The following UBE2R2 variants were observed in gnomAD, a reference collection of about 807,000 sequenced individuals.
UBE2R2 encodes ubiquitin conjugating enzyme E2 R2, also known as ubiquitin-conjugating enzyme E2 R2.
In UBE2R2, 1 loss-of-function variant was observed where a neutral mutation model predicts 27.8. The ratio of observed to expected loss-of-function variants is 0.04; its 90% CI spans 0.01 to 0.17. The LOEUF (loss-of-function observed/expected upper bound fraction) is 0.17, where lower values mean the gene tolerates loss of function less well. Ranked by LOEUF, UBE2R2 falls within the 10% of genes least tolerant of loss-of-function variation. UBE2R2 has a pLI of 1.00. For missense variants in UBE2R2, 100 were observed against 291.0 expected, an observed-to-expected ratio of 0.34 and a Z score of 4.78; for synonymous variants, 106 against 113.3, an observed-to-expected ratio of 0.94 and a Z score of 0.41.
At chr9:33,854,382 C>A (rs934682195) in intron 1 of UBE2R2, among the ~76,000 whole-genome samples, 1 of 151,398 alleles carries the variant, frequency 6.6e-6, no homozygotes, top group African/African-American at 2.4e-5. Flanking sequence ...TGCAATGGTA[C>A]AATCTCAGCT....
intron 1 of UBE2R2, among the ~76,000 whole-genome samples, chr9:33,851,562 G>A (rs900560158): frequency 2.0e-5 from 3 of 152,004 alleles, no homozygotes; most frequent in Non-Finnish European, 2.9e-5. Flanking sequence ...CTTCAATTTG[G>A]GTAAATTTTC....
chr9:33,882,694 C>T (rs62555928), intron 1 of UBE2R2, among the ~76,000 whole-genome samples: 27,659 of 152,160 alleles, frequency 0.18, 3,212 homozygotes, highest in East Asian at 0.55. Context: ...TCATACAGTT[C>T]ACCCATTCAT....
intron 4 of UBE2R2, among the ~76,000 whole-genome samples, chr9:33,916,198 C>A (rs947758518): frequency 6.8e-4 from 103 of 152,118 alleles, no homozygotes; most frequent in African/African-American, 2.3e-3. Context: ...AAATTTAGCC[C>A]GGTGGGGTGG....
At position 33,917,717 on chromosome 9, in the gene UBE2R2, A is replaced by AG. The variant is rs59827470; in HGVS notation, c.*480_*481insG. On this transcript the variant is annotated 3_prime_UTR_variant, in exon 5 of 5. Coordinates refer to ENST00000263228, the MANE Select transcript of UBE2R2 (RefSeq NM_017811.4). ...AAACAAACTTTAAAAAAAAAAAAAAACAAATTTGCCAAGGTTTAGCTGCTC... is the reference window on the plus strand; with the variant it reads ...AAACAAACTTTAAAAAAAAAAAAAAAGCAAATTTGCCAAGGTTTAGCTGCTC... The AG allele has an allele frequency of 0.072, 13,146 of 181,454 alleles. 674 individuals are homozygous for AG. The highest frequency in any genetic ancestry group is 0.1 in the Non-Finnish European group (8,815 of 86,852). 11.2% of individuals were successfully genotyped at this position (181,454 alleles called of 1,614,324 possible).
At chr9:33,864,759 T>C (rs1242691444) in intron 1 of UBE2R2, among the ~76,000 whole-genome samples, 1 of 151,198 alleles carries the variant, frequency 6.6e-6, no homozygotes, top group African/African-American at 2.4e-5. Context: ...AGTTTCACTC[T>C]TGTTGCCCAG....
chr9:33,872,135 C>T (rs374528927), intron 1 of UBE2R2, among the ~76,000 whole-genome samples: 1 of 151,318 alleles, frequency 6.6e-6, no homozygotes, highest in South Asian at 2.1e-4. Context: ...GCTGGGATTA[C>T]AAGCATGAGG....
chr9:33,904,910 G>A (rs146859397), intron 3 of UBE2R2, among the ~76,000 whole-genome samples: 1 of 152,296 alleles, frequency 6.6e-6, no homozygotes, highest in Non-Finnish European at 1.5e-5. Context: ...ACACGTCTTT[G>A]ATTAGAAGTT....
intron 1 of UBE2R2, among the ~76,000 whole-genome samples, chr9:33,865,572 A>C (rs948455708): frequency 1.3e-5 from 2 of 152,228 alleles, no homozygotes; most frequent in Non-Finnish European, 2.9e-5. Flanking sequence ...CTACTGTGGA[A>C]GATGAGGATT....
At chr9:33,877,823 G>GTCTGTCTGTCTGTCTGTCTGTC in intron 1 of UBE2R2, among the ~76,000 whole-genome samples, 1 of 131,124 alleles carries the variant, frequency 7.6e-6, no homozygotes, top group African/African-American at 3.3e-5. Context: ...CTGTCTGTCT[G>GTCTGTCTGTCTGTCTGTCTGTC]TCTCTCTCTC....
intron 3 of UBE2R2, among the ~76,000 whole-genome samples, chr9:33,906,085 G>A (rs1185649316): frequency 6.6e-6 from 1 of 150,912 alleles, no homozygotes; most frequent in Non-Finnish European, 1.5e-5. Flanking sequence ...AGGTTTTGTT[G>A]TTGTTGTTGT....
chr9:33,849,827 G>A (rs1025772640), intron 1 of UBE2R2, among the ~76,000 whole-genome samples: 2 of 151,758 alleles, frequency 1.3e-5, no homozygotes, highest in East Asian at 1.9e-4. Context: ...TTACTACTGC[G>A]CTCCAGCCTG....
intron 1 of UBE2R2, among the ~76,000 whole-genome samples, chr9:33,871,191 A>G (rs1181506473): frequency 6.6e-6 from 1 of 152,164 alleles, no homozygotes; most frequent in Non-Finnish European, 1.5e-5. Flanking sequence ...GTAATCATTT[A>G]TTTGCATGCC....
chr9:33,817,732 G>GCGC lies in UBE2R2; in HGVS notation c.-4_-2dup, dbSNP rs541354260. 6,498 of 1,488,998 alleles carry GCGC rather than the reference G, an allele frequency of 4.4e-3. 93 individuals are homozygous for GCGC. In the African/African-American group the frequency reaches 0.054, roughly 12 times the overall value. The allele number at this position is 1,488,998 out of a possible 1,614,324, so 92.2% of individuals were successfully genotyped here. On this transcript the variant is annotated 5_prime_UTR_variant, in exon 1 of 5. Coordinates refer to ENST00000263228, the MANE Select transcript of UBE2R2 (RefSeq NM_017811.4). Reference sequence around the variant, plus strand: ...GCGTGAGGACTGGGGCCCGGGCCCGGCGCCGCCGCCGCCGCCGCCGCCGCG... The same window carrying GCGC: ...GCGTGAGGACTGGGGCCCGGGCCCGGCGCCGCCGCCGCCGCCGCCGCCGCCGCG...
rs1436737286 is a variant in UBE2R2, at chr9:33,917,702, T to A, written c.*465T>A. ...GGAAAAAAACCCACAAAACAAACTT[T>A]AAAAAAAAAAAAAAACAAATTTGCC... On this transcript the variant is annotated 3_prime_UTR_variant, in exon 5 of 5. Transcript: ENST00000263228. The A allele has an allele frequency of 5.3e-4, 80 of 150,218 alleles. No homozygotes were observed. Among genetic ancestry groups the A allele is most frequent in the East Asian group, 8.7e-4 (5 of 5,740 alleles). The allele number at this position is 150,218 out of a possible 1,614,324, so 9.3% of individuals were successfully genotyped here.
chr9:33,920,052 C>T lies in UBE2R2; in HGVS notation c.*2815C>T, dbSNP rs774286042. The T allele has an allele frequency of 6.6e-6, 1 of 152,360 alleles. No individual in the cohort carries two copies. Among genetic ancestry groups the T allele is most frequent in the Non-Finnish European group, 1.5e-5 (1 of 68,024 alleles). 9.4% of individuals were successfully genotyped at this position (152,360 alleles called of 1,614,324 possible). A position where few individuals can be genotyped will look rare whatever the true frequency, so the allele number is the denominator to read the frequency against. ...AATTGCTTCTTTACTTGCTGGTTTCCTTACGTTTGGGGCACATGTTGTAAG... is the reference window on the plus strand; with the variant it reads ...AATTGCTTCTTTACTTGCTGGTTTCTTTACGTTTGGGGCACATGTTGTAAG... On this transcript the variant is annotated 3_prime_UTR_variant, in exon 5 of 5. Transcript: ENST00000263228.
chr9:33,873,791 A>G (rs1821540139), intron 1 of UBE2R2, among the ~76,000 whole-genome samples: 1 of 151,954 alleles, frequency 6.6e-6, no homozygotes, highest in South Asian at 2.1e-4. Context: ...TCAAGCCATC[A>G]TGCCTGGCTA....
At chr9:33,909,708 C>G (rs1227240749) in intron 3 of UBE2R2, among the ~76,000 whole-genome samples, 1 of 151,818 alleles carries the variant, frequency 6.6e-6, no homozygotes, top group African/African-American at 2.4e-5. Flanking sequence ...CGTGAGCCAC[C>G]ACGCCTGGGC....
intron 1 of UBE2R2, chr9:33,818,560 C>T (rs1388548218): frequency 1.3e-5 from 2 of 150,584 alleles, no homozygotes; most frequent in Non-Finnish European, 3.0e-5. Flanking sequence ...AAAGGGTGCC[C>T]GCGTCGTCTT....
chr9:33,821,204 G>A (rs992915274), intron 1 of UBE2R2, among the ~76,000 whole-genome samples: 5 of 152,150 alleles, frequency 3.3e-5, no homozygotes, highest in Non-Finnish European at 7.3e-5. Flanking sequence ...TTAGTTTGGG[G>A]TACAGTGGTG....
Sources: allele counts gnomAD v4.1 joint callset (sites outside exome capture counted in the v4.1 genomes callset), GRCh38; gene constraint gnomAD v4.1.1; transcripts MANE v1.5; gene names NCBI Gene and HGNC (gene_info 2026-07-23, HGNC 2026-07-21).